The following ADAM18 variants were observed in gnomAD, a reference collection of about 807,000 sequenced individuals.
The protein encoded by ADAM18 is disintegrin and metalloproteinase domain-containing protein 18.
Under a neutral mutation model 94.4 loss-of-function variants are expected in ADAM18, and 117 were observed. That is an observed-to-expected ratio of 1.24 (90% CI 1.07 to 1.45). ADAM18 has a LOEUF of 1.45. ADAM18 is among the 40% of genes most tolerant of loss of function. The probability of loss-of-function intolerance (pLI) is 0.00; values close to 1 mark genes in which losing one functional copy is unlikely to be tolerated. For synonymous variants in ADAM18, 327 were observed against 291.6 expected (o/e 1.12, Z -1.24); for missense variants, 936 against 880.0 (o/e 1.06, Z -0.81).
chr8:39,659,709 C>T (rs181301927), intron 12 of ADAM18, among the ~76,000 whole-genome samples: 2 of 152,084 alleles, frequency 1.3e-5, no homozygotes, highest in Admixed American at 6.5e-5. Flanking sequence ...CAGTAATTAA[C>T]AACAGTCACT....
intron 12 of ADAM18, among the ~76,000 whole-genome samples, chr8:39,654,137 C>G (rs553578686): frequency 1.4e-5 from 2 of 145,394 alleles, no homozygotes; most frequent in African/African-American, 5.6e-5. Context: ...GTTGCTGCCA[C>G]TGACAGGATT....
At chr8:39,671,120 G>T (rs909531147) in intron 14 of ADAM18, among the ~76,000 whole-genome samples, 1 of 152,156 alleles carries the variant, frequency 6.6e-6, no homozygotes, top group African/African-American at 2.4e-5. Context: ...GCTCCTAGAT[G>T]TCCCAACTAC....
intron 8 of ADAM18, 29 bp from the exon 9 acceptor site, chr8:39,637,508 T>C (rs1220002711): frequency 6.5e-7 from 1 of 1,549,736 alleles, no homozygotes; most frequent in Non-Finnish European, 8.7e-7. Flanking sequence ...CTTGTTTCTT[T>C]AAAAATGTAC....
At chr8:39,619,079 CATTAT>C (rs1301946747) in intron 6 of ADAM18, among the ~76,000 whole-genome samples, 1 of 152,060 alleles carries the variant, frequency 6.6e-6, no homozygotes, top group East Asian at 1.9e-4. Context: ...CCAACAAGGG[CATTAT>C]ATAATGACAA....
intron 2 of ADAM18, among the ~76,000 whole-genome samples, chr8:39,597,099 T>C (rs1179203652): frequency 6.6e-6 from 1 of 152,166 alleles, no homozygotes; most frequent in Non-Finnish European, 1.5e-5. Flanking sequence ...GATGTCTGTT[T>C]AGGTTTTTGT....
At chr8:39,604,397 G>A (rs1819002911) in intron 2 of ADAM18, among the ~76,000 whole-genome samples, 1 of 152,030 alleles carries the variant, frequency 6.6e-6, no homozygotes, top group Non-Finnish European at 1.5e-5. Flanking sequence ...TTAAGGTCCT[G>A]TTTTATTCAC....
intron 17 of ADAM18, among the ~76,000 whole-genome samples, chr8:39,704,777 A>G (rs139257483): frequency 9.9e-5 from 15 of 152,170 alleles, no homozygotes; most frequent in African/African-American, 3.4e-4. Context: ...GTTTTTGGGA[A>G]ATTTTGGACT....
At chr8:39,613,513 A>T (rs1323175866) in intron 6 of ADAM18, among the ~76,000 whole-genome samples, 1 of 152,052 alleles carries the variant, frequency 6.6e-6, no homozygotes, top group East Asian at 1.9e-4. Flanking sequence ...ACAAACATCA[A>T]CCCACACAGA....
chr8:39,643,257 C>T (rs1820282879), intron 10 of ADAM18, among the ~76,000 whole-genome samples: 1 of 151,890 alleles, frequency 6.6e-6, no homozygotes, highest in Admixed American at 6.6e-5. Flanking sequence ...TCTTTGGATG[C>T]CTTCTTTCTC....
chr8:39,722,436 T>C (rs1250770975), intron 18 of ADAM18, among the ~76,000 whole-genome samples: 2 of 150,998 alleles, frequency 1.3e-5, no homozygotes, highest in Admixed American at 6.6e-5. Context: ...GAAAGCCAAA[T>C]ACTGCATTGG....
chr8:39,649,141 A>C (rs1467385046), intron 12 of ADAM18, among the ~76,000 whole-genome samples: 2 of 152,064 alleles, frequency 1.3e-5, no homozygotes, highest in Non-Finnish European at 2.9e-5. Flanking sequence ...TCTCTATTTC[A>C]ATAAAGTTTC....
intron 7 of ADAM18, among the ~76,000 whole-genome samples, chr8:39,635,804 C>T (rs893474461): frequency 2.0e-5 from 3 of 152,050 alleles, no homozygotes; most frequent in Non-Finnish European, 4.4e-5. Context: ...TGAGTTTTCT[C>T]GTGGTTACAT....
chr8:39,619,493 A>G (rs145451231), intron 6 of ADAM18, among the ~76,000 whole-genome samples: 1 of 152,330 alleles, frequency 6.6e-6, no homozygotes, highest in East Asian at 1.9e-4. Flanking sequence ...ATGGGATAAA[A>G]CTAGAAATCA....
chr8:39,723,832 T>C lies in ADAM18; in HGVS notation c.2102T>C (p.Ile701Thr), dbSNP rs199991483. 54 of 1,587,386 alleles carry C rather than the reference T, an allele frequency of 3.4e-5. No individual in the cohort carries two copies. The Middle Eastern group carries it at 5.0e-4, about 15-fold the overall frequency. ...TTCTGCATTTTTCTGCCGTTTTTCATAGTTTTCACCACTGTGATCTTTAAA... is the reference window on the plus strand; with the variant it reads ...TTCTGCATTTTTCTGCCGTTTTTCACAGTTTTCACCACTGTGATCTTTAAA... ...LSFCIFLPFFIVFTTVIFKRN... is the reference protein window; with the variant it reads ...LSFCIFLPFFTVFTTVIFKRN... The change falls in exon 19 of 20, where the codon ATA (isoleucine) becomes ACA (threonine). Residue 701 changes from isoleucine to threonine, a missense_variant. Ile to Thr is a moderately conservative substitution (Grantham distance 89). Coordinates refer to ENST00000265707, the MANE Select transcript of ADAM18 (RefSeq NM_014237.3).
intron 9 of ADAM18, 106 bp downstream of exon 9, chr8:39,637,809 G>C: frequency 9.6e-7 from 1 of 1,044,030 alleles, no homozygotes; most frequent in Non-Finnish European, 1.3e-6. Context: ...CCCTTTGGAA[G>C]TGTTTAAAAA....
At chr8:39,656,327 AG>A (rs1463293964) in intron 12 of ADAM18, among the ~76,000 whole-genome samples, 17 of 152,264 alleles carry the variant, frequency 1.1e-4, no homozygotes, top group African/African-American at 4.1e-4. Flanking sequence ...AATCTAGAAT[AG>A]ACCTACATAA....
chr8:39,597,916 A>C (rs1292287531), intron 2 of ADAM18, among the ~76,000 whole-genome samples: 1 of 152,240 alleles, frequency 6.6e-6, no homozygotes, highest in African/African-American at 2.4e-5. Flanking sequence ...TATCCATAAC[A>C]TGGAATATTT....
intron 19 of ADAM18, among the ~76,000 whole-genome samples, chr8:39,728,674 A>G (rs1200824736): frequency 2.0e-5 from 3 of 152,188 alleles, no homozygotes; most frequent in African/African-American, 7.2e-5. Flanking sequence ...GCTATTTGGA[A>G]GTTATTTTTT....
At chr8:39,607,880 T>A (rs1239673714) in intron 3 of ADAM18, among the ~76,000 whole-genome samples, 1 of 151,926 alleles carries the variant, frequency 6.6e-6, no homozygotes, top group Non-Finnish European at 1.5e-5. Context: ...TTAAATACCA[T>A]CCACATGTTG....
Sources: allele counts gnomAD v4.1 joint callset (sites outside exome capture counted in the v4.1 genomes callset), GRCh38; gene constraint gnomAD v4.1.1; transcripts MANE v1.5; gene names NCBI Gene and HGNC (gene_info 2026-07-23, HGNC 2026-07-21).